ALCAM: variants seen among roughly 807,000 people sequenced by gnomAD.
ALCAM encodes the protein activated leukocyte cell adhesion molecule.
ALCAM carries 30 observed loss-of-function variants against 70.9 expected under a neutral mutation model. That is an observed-to-expected ratio of 0.42 (90% CI 0.32 to 0.57). ALCAM has a LOEUF of 0.57. Ranked by LOEUF, ALCAM falls within the 20% of genes least tolerant of loss-of-function variation. The pLI is 0.11. For synonymous variants in ALCAM, 249 were observed against 242.5 expected (o/e 1.03, Z -0.25); for missense variants, 591 against 695.1 (o/e 0.85, Z 1.68).
At chr3:105,404,641 A>C (rs1936174274) in intron 1 of ALCAM, among the ~76,000 whole-genome samples, 1 of 151,544 alleles carries the variant, frequency 6.6e-6, no homozygotes, top group Non-Finnish European at 1.5e-5. Flanking sequence ...CCTAAAGCAT[A>C]AATCTCACAG....
intron 14 of ALCAM, among the ~76,000 whole-genome samples, chr3:105,564,382 A>G (rs1940699582): frequency 6.6e-6 from 1 of 152,122 alleles, no homozygotes; most frequent in South Asian, 2.1e-4. Flanking sequence ...GCAGTCTATT[A>G]TCTGTTTTAA....
chr3:105,373,256 T>C (rs1236613997), intron 1 of ALCAM, among the ~76,000 whole-genome samples: 5 of 152,154 alleles, frequency 3.3e-5, no homozygotes, highest in Admixed American at 2.0e-4. Flanking sequence ...AAACCAGTAA[T>C]ATCAAATCCA....
At chr3:105,396,466 G>A (rs1447224899) in intron 1 of ALCAM, among the ~76,000 whole-genome samples, 2 of 152,030 alleles carry the variant, frequency 1.3e-5, no homozygotes, top group Admixed American at 6.6e-5. Context: ...TCTGGAGAAA[G>A]AGACAAAACT....
intron 1 of ALCAM, among the ~76,000 whole-genome samples, chr3:105,428,480 G>A (rs1936848454): frequency 6.6e-6 from 1 of 151,286 alleles, no homozygotes; most frequent in Non-Finnish European, 1.5e-5. Flanking sequence ...AATATATAAT[G>A]GATATATTAT....
At chr3:105,545,196 A>G (rs774520664) in intron 8 of ALCAM, 27 bp from the exon 9 acceptor site, 4 of 1,417,864 alleles carry the variant, frequency 2.8e-6, no homozygotes, top group Non-Finnish European at 2.0e-6. Flanking sequence ...CAGAGTTAGC[A>G]CTTTGAACAG....
chr3:105,531,613 G>C (rs1939841358), intron 3 of ALCAM, among the ~76,000 whole-genome samples: 2 of 151,816 alleles, frequency 1.3e-5, no homozygotes, highest in South Asian at 4.2e-4. Context: ...TCTGGTTCAT[G>C]TAAATTAATG....
At chr3:105,385,494 A>G (rs1460371937) in intron 1 of ALCAM, among the ~76,000 whole-genome samples, 2 of 151,646 alleles carry the variant, frequency 1.3e-5, no homozygotes, top group Non-Finnish European at 3.0e-5. Context: ...TAGCATCATG[A>G]TGTAAAATAA....
At chr3:105,436,993 G>A (rs554663429) in intron 1 of ALCAM, among the ~76,000 whole-genome samples, 30 of 152,206 alleles carry the variant, frequency 2.0e-4, no homozygotes, top group Non-Finnish European at 4.0e-4. Flanking sequence ...TGTATTTGAA[G>A]TGTTACCATG....
intron 1 of ALCAM, among the ~76,000 whole-genome samples, chr3:105,414,243 CAAA>C (rs11336904): frequency 7.2e-6 from 1 of 138,602 alleles, no homozygotes. Context: ...TTCCATCTTA[CAAA>C]AAAAAAAAAA....
intron 12 of ALCAM, 38 bp from the exon 13 acceptor site, chr3:105,552,106 T>C (rs370353419): frequency 6.6e-7 from 1 of 1,517,664 alleles, no homozygotes; most frequent in African/African-American, 1.4e-5. Flanking sequence ...TATCAACAAA[T>C]TTTGTTTTTA....
chr3:105,405,277 C>CAAAAAAAAAAAAAAA, intron 1 of ALCAM, among the ~76,000 whole-genome samples: 1 of 65,226 alleles, frequency 1.5e-5, no homozygotes, highest in Non-Finnish European at 2.7e-5. Flanking sequence ...AACTTCGTCT[C>CAAAAAAAAAAAAAAA]AAAAAAAAAA....
intron 1 of ALCAM, among the ~76,000 whole-genome samples, chr3:105,381,260 C>T (rs1174919323): frequency 1.3e-5 from 2 of 151,894 alleles, no homozygotes; most frequent in Non-Finnish European, 2.9e-5. Flanking sequence ...CCCCAAAATA[C>T]GATTATACAC....
intron 14 of ALCAM, among the ~76,000 whole-genome samples, chr3:105,558,567 C>G (rs1318626357): frequency 1.3e-5 from 2 of 152,060 alleles, no homozygotes; most frequent in Non-Finnish European, 2.9e-5. Context: ...CAAAGCAGTC[C>G]CCTACCCCTT....
At chr3:105,562,918 G>A (rs1940657194) in intron 14 of ALCAM, among the ~76,000 whole-genome samples, 1 of 152,168 alleles carries the variant, frequency 6.6e-6, no homozygotes, top group African/African-American at 2.4e-5. Context: ...TGATTTTCCT[G>A]CCTCAGCCTC....
At chr3:105,455,315 G>A (rs1294363731) in intron 1 of ALCAM, among the ~76,000 whole-genome samples, 1 of 151,568 alleles carries the variant, frequency 6.6e-6, no homozygotes, top group African/African-American at 2.4e-5. Flanking sequence ...GGTGGCGGGC[G>A]CCTGTGGTCC....
intron 1 of ALCAM, among the ~76,000 whole-genome samples, chr3:105,433,247 C>A (rs534686731): frequency 7.9e-5 from 12 of 152,198 alleles, no homozygotes; most frequent in African/African-American, 1.4e-4. Flanking sequence ...GAGAAACAGG[C>A]CTAATTGATA....
At chr3:105,403,443 G>A (rs116487700) in intron 1 of ALCAM, among the ~76,000 whole-genome samples, 4 of 152,228 alleles carry the variant, frequency 2.6e-5, no homozygotes, top group African/African-American at 9.6e-5. Flanking sequence ...ACCAGCCTAA[G>A]CTGGTAGCTC....
intron 1 of ALCAM, among the ~76,000 whole-genome samples, chr3:105,456,014 G>C (rs951524542): frequency 3.9e-5 from 6 of 152,206 alleles, no homozygotes; most frequent in African/African-American, 1.4e-4. Flanking sequence ...GGGAGGCGAA[G>C]GTTGCAGTGA....
chr3:105,471,109 A>G (rs1383679633), intron 1 of ALCAM, among the ~76,000 whole-genome samples: 2 of 151,422 alleles, frequency 1.3e-5, no homozygotes, highest in Non-Finnish European at 3.0e-5. Flanking sequence ...AAAGCCATTT[A>G]TTCTTATACA....
Sources: allele counts gnomAD v4.1 joint callset (sites outside exome capture counted in the v4.1 genomes callset), GRCh38; gene constraint gnomAD v4.1.1; transcripts MANE v1.5; gene names NCBI Gene and HGNC (gene_info 2026-07-23, HGNC 2026-07-21).